STPG2: variants seen among roughly 807,000 people sequenced by gnomAD.
STPG2 encodes the protein sperm-tail PG-rich repeat-containing protein 2.
Under a neutral mutation model 54.2 loss-of-function variants are expected in STPG2, and 56 were observed. That is an observed-to-expected ratio of 1.03 (90% confidence interval 0.83 to 1.29). The LOEUF (loss-of-function observed/expected upper bound fraction) is 1.29, where lower values mean the gene tolerates loss of function less well. Among genes scored for constraint, STPG2 ranks in the 50% most tolerant of loss-of-function variants. The pLI, the probability that STPG2 is intolerant of heterozygous loss-of-function variation, is 0.00. For synonymous variants in STPG2, 200 were observed against 181.8 expected, an observed-to-expected ratio of 1.10 and a Z score of -0.81; for missense variants, 596 against 544.9, an observed-to-expected ratio of 1.09 and a Z score of -0.93.
At chr4:97,972,501 CT>C (rs1734366289) in intron 6 of STPG2, 61 bp from the exon 7 acceptor site, 1 of 1,007,734 alleles carries the variant, frequency 9.9e-7, no homozygotes, top group Non-Finnish European at 1.4e-6. Flanking sequence ...ACCTTTTGAA[CT>C]GAGTAATTTT....
intron 2 of STPG2, among the ~76,000 whole-genome samples, chr4:98,128,794 A>G (rs1739903572): frequency 6.6e-6 from 1 of 152,084 alleles, no homozygotes; most frequent in Admixed American, 6.6e-5. Context: ...CAGTGGTACA[A>G]TCTTGGCTCA....
intron 9 of STPG2, among the ~76,000 whole-genome samples, chr4:97,783,388 C>A (rs536389272): frequency 1.3e-5 from 2 of 152,144 alleles, no homozygotes; most frequent in Non-Finnish European, 2.9e-5. Flanking sequence ...ACATCTCACA[C>A]CAGTTAGAAT....
intron 3 of STPG2, among the ~76,000 whole-genome samples, chr4:98,124,522 T>G (rs531127809): frequency 3.9e-5 from 6 of 152,336 alleles, no homozygotes; most frequent in African/African-American, 9.6e-5. Context: ...TCTTCTAGCT[T>G]GTAGGGTTTC....
chr4:97,725,846 T>C (rs1281426276), intron 9 of STPG2, among the ~76,000 whole-genome samples: 1 of 151,920 alleles, frequency 6.6e-6, no homozygotes, highest in African/African-American at 2.4e-5. Context: ...GATATATTAC[T>C]GTGAAACTGT....
intron 5 of STPG2, among the ~76,000 whole-genome samples, chr4:98,040,131 A>G (rs2149306389): frequency 6.6e-6 from 1 of 151,996 alleles, no homozygotes; most frequent in East Asian, 1.9e-4. Context: ...TCTTTTGAAA[A>G]ATGTCTCTTT....
intron 5 of STPG2, among the ~76,000 whole-genome samples, chr4:97,982,841 G>A (rs1487665925): frequency 6.6e-6 from 1 of 152,096 alleles, no homozygotes; most frequent in Non-Finnish European, 1.5e-5. Context: ...CATACTACTA[G>A]GTGGGTGATG....
chr4:97,723,996 C>T (rs187952128), intron 9 of STPG2, among the ~76,000 whole-genome samples: 2 of 152,262 alleles, frequency 1.3e-5, no homozygotes, highest in South Asian at 2.1e-4. Context: ...TCAGTTTTCC[C>T]AGTATGTCAA....
rs187560439 is a variant in STPG2 at position 97,864,078 on chromosome 4, G to C, written c.1045-23146C>G. 2.5e-3 allele frequency among the ~76,000 whole-genome samples: 374 copies of C among 152,232 alleles called. 1 individual carries two copies. The highest frequency in any genetic ancestry group is 3.7e-3 in the Non-Finnish European group (251 of 68,010). On this transcript the variant is annotated intron_variant, in intron 8 of 10. Coordinates refer to ENST00000295268, the MANE Select transcript of STPG2 (RefSeq NM_174952.3). ...TCTCTCACCACTCCTATTCAACATA[G>C]TGTTGGAAGTTCTGGCCAGGGCAAT...
At chr4:97,974,369 C>T (rs1301588201) in intron 6 of STPG2, among the ~76,000 whole-genome samples, 2 of 152,162 alleles carry the variant, frequency 1.3e-5, no homozygotes, top group South Asian at 2.1e-4. Context: ...ATACTTTGGA[C>T]TGTGGACTTC....
At chr4:97,703,474 GTATATAGTATA>G (rs1723840773) in intron 10 of STPG2, among the ~76,000 whole-genome samples, 1 of 138,656 alleles carries the variant, frequency 7.2e-6, no homozygotes. Flanking sequence ...ATATATAGTA[GTATATAGTATA>G]TATATAGTAT....
intron 8 of STPG2, among the ~76,000 whole-genome samples, chr4:97,863,630 G>A (rs965874977): frequency 4.6e-5 from 7 of 152,174 alleles, no homozygotes; most frequent in African/African-American, 1.7e-4. Flanking sequence ...CCAAAGCCTG[G>A]CAGAGACACA....
chr4:97,598,925 T>G (rs1733379630), intron 10 of STPG2, among the ~76,000 whole-genome samples: 1 of 151,910 alleles, frequency 6.6e-6, no homozygotes, highest in South Asian at 2.1e-4. Flanking sequence ...AAATGACAAA[T>G]GGGACCTGAT....
chr4:97,873,316 T>C (rs1322663870), intron 8 of STPG2, among the ~76,000 whole-genome samples: 1 of 151,390 alleles, frequency 6.6e-6, no homozygotes, highest in Non-Finnish European at 1.5e-5. Context: ...CTCTTTCATT[T>C]ATTCCTAGAT....
At chr4:97,980,386 C>G (rs1213592748) in intron 6 of STPG2, among the ~76,000 whole-genome samples, 6 of 152,116 alleles carry the variant, frequency 3.9e-5, no homozygotes, top group Non-Finnish European at 4.4e-5. Flanking sequence ...GTTTCATGTC[C>G]TTTCAATCAA....
rs533370467 is a variant in STPG2 at position 98,128,687 on chromosome 4, TATTG to T, written c.223-99_223-96del. 5.8e-4 allele frequency: 596 copies of T among 1,024,894 alleles called. 3 individuals are homozygous for T. The highest frequency in any genetic ancestry group is 5.1e-3 in the Middle Eastern group (20 of 3,908). 63.5% of individuals were successfully genotyped at this position (1,024,894 alleles called of 1,614,324 possible). ...AAGTTACTAAAAGGCAACTATTAAA[TATTG>T]ATTTAATGAGTTTCATGATATAAAA... is the stretch of plus-strand genomic sequence containing the variant. On this transcript the variant is annotated intron_variant, in intron 2 of 10. Coordinates refer to ENST00000295268, the MANE Select transcript of STPG2 (RefSeq NM_174952.3).
intron 4 of STPG2, among the ~76,000 whole-genome samples, chr4:97,515,422 T>C (rs1365301897): frequency 6.6e-6 from 1 of 152,054 alleles, no homozygotes; most frequent in South Asian, 2.1e-4. Flanking sequence ...AGAAAAGATA[T>C]GTACATGTGT....
rs564426788 is a variant in STPG2 at position 97,981,057 on chromosome 4, A to T, written c.772+102T>A. On this transcript the variant is annotated intron_variant, in intron 6 of 10. Transcript: ENST00000295268. ...GTTGACTTAAAATGACACCAACCAT[A>T]GGACAAAAAAGAAAACATACTCTCT... 8.3e-4 allele frequency: 1,063 copies of T among 1,275,936 alleles called. 2 individuals carry two copies. The highest frequency in any genetic ancestry group is 1.1e-3 in the Non-Finnish European group (1,032 of 936,956). The allele number at this position is 1,275,936 out of a possible 1,614,324, so 79.0% of individuals were successfully genotyped here. A position where few individuals can be genotyped will look rare whatever the true frequency, so the allele number is the denominator to read the frequency against.
chr4:98,075,767 C>T (rs778930471), intron 5 of STPG2, among the ~76,000 whole-genome samples: 2 of 152,106 alleles, frequency 1.3e-5, no homozygotes, highest in African/African-American at 4.8e-5. Flanking sequence ...AAAATAGTTA[C>T]ATAATAATAA....
At chr4:97,854,190 T>C (rs1393422083) in intron 8 of STPG2, among the ~76,000 whole-genome samples, 1 of 152,172 alleles carries the variant, frequency 6.6e-6, no homozygotes, top group Admixed American at 6.5e-5. Flanking sequence ...TCCTATGCAC[T>C]GGAGTTAATG....
Sources: gnomAD v4.1 joint callset for allele counts (sites outside exome capture counted in the v4.1 genomes callset) on GRCh38, gnomAD v4.1.1 for gene constraint, MANE v1.5 for transcripts, NCBI Gene and HGNC (gene_info 2026-07-23, HGNC 2026-07-21) for gene names.